The following SLC35D2 variants were observed in gnomAD, a reference collection of about 807,000 sequenced individuals.
The protein encoded by SLC35D2 is nucleotide sugar transporter SLC35D2.
In SLC35D2, 43 loss-of-function variants were observed where a neutral mutation model predicts 41.8. The observed-to-expected ratio is 1.03, with a 90% CI of 0.81 to 1.33. The LOEUF (loss-of-function observed/expected upper bound fraction) is 1.33. Among genes scored for constraint, SLC35D2 ranks in the 40% most tolerant of loss-of-function variants. The pLI, the probability that SLC35D2 is intolerant of heterozygous loss-of-function variation, is 0.00. For synonymous variants in SLC35D2, 150 were observed against 163.9 expected (o/e 0.92, Z 0.65); for missense variants, 380 against 408.4 (o/e 0.93, Z 0.60).
At chr9:96,379,410 G>A (rs767309915) in intron 1 of SLC35D2, among the ~76,000 whole-genome samples, 2 of 151,994 alleles carry the variant, frequency 1.3e-5, no homozygotes, top group African/African-American at 2.4e-5. Context: ...AGCCTTCAAA[G>A]GCCTCTCTGT....
At chr9:96,352,569 G>A (rs1050343198) in intron 4 of SLC35D2, among the ~76,000 whole-genome samples, 31 of 151,980 alleles carry the variant, frequency 2.0e-4, no homozygotes, top group Admixed American at 9.2e-4. Flanking sequence ...TAATCTGCCC[G>A]CCACAGCCTC....
chr9:96,318,322 T>C (rs934250753), downstream of SLC35D2, among the ~76,000 whole-genome samples: 15 of 151,884 alleles, frequency 9.9e-5, no homozygotes, highest in Non-Finnish European at 2.1e-4. Context: ...TTAGGCAGGC[T>C]AATTTTTTAG....
chr9:96,360,650 A>G lies in SLC35D2; in HGVS notation c.280-429T>C, dbSNP rs10990696. On this transcript the variant is annotated intron_variant, in intron 3 of 11. Transcript: ENST00000253270. ...TCTCAAAAAAAAAAAAAAAAAAAAA[A>G]AAAAGAAAAGGTGCGCCTTCTCACT... 2.3e-3 allele frequency among the ~76,000 whole-genome samples: 304 copies of G among 132,806 alleles called. 6 individuals are homozygous for G. Among genetic ancestry groups the G allele is most frequent in the Middle Eastern group, 4.3e-3 (1 of 232 alleles). The allele number at this position is 132,806 out of a possible 152,430, so 87.1% of individuals were successfully genotyped here.
intron 9 of SLC35D2, among the ~76,000 whole-genome samples, chr9:96,326,279 G>C (rs1184188814): frequency 2.6e-5 from 4 of 152,182 alleles, no homozygotes; most frequent in Non-Finnish European, 4.4e-5. Context: ...TGAAGAAAAA[G>C]TAGGCAGCTC....
chr9:96,337,437 C>T (rs1373657584), intron 8 of SLC35D2, among the ~76,000 whole-genome samples: 1 of 151,536 alleles, frequency 6.6e-6, no homozygotes, highest in Non-Finnish European at 1.5e-5. Flanking sequence ...AGGCTGGTCT[C>T]AAACTCCTGG....
chr9:96,360,148 C>G lies in SLC35D2; in HGVS notation c.347+6G>C. ...ACTTTCCACCAGCCATTATCCTATA[C>G]TCTACCTTAATTTACTTGTGCTTGA... is the stretch of plus-strand genomic sequence containing the variant. On this transcript the variant is annotated splice_donor_region_variant and intron_variant, in intron 4 of 11. Transcript: ENST00000253270. 1 of 1,609,676 alleles carries G rather than the reference C, an allele frequency of 6.2e-7. No individual in the cohort carries two copies. Among genetic ancestry groups the G allele is most frequent in the East Asian group, 2.2e-5 (1 of 44,834 alleles).
intron 9 of SLC35D2, among the ~76,000 whole-genome samples, chr9:96,328,293 G>A (rs1480395157): frequency 6.6e-6 from 1 of 152,048 alleles, no homozygotes; most frequent in African/African-American, 2.4e-5. Flanking sequence ...CTGGAGTACA[G>A]TGGCACAATC....
At chr9:96,340,150 G>A (rs1038726818) in intron 8 of SLC35D2, among the ~76,000 whole-genome samples, 1 of 152,112 alleles carries the variant, frequency 6.6e-6, no homozygotes, top group Admixed American at 6.5e-5. Context: ...ATTCAAAAGG[G>A]ACCAATGGGA....
chr9:96,362,486 A>C (rs1191854834), intron 3 of SLC35D2, among the ~76,000 whole-genome samples: 4 of 152,128 alleles, frequency 2.6e-5, no homozygotes, highest in Non-Finnish European at 4.4e-5. Context: ...CAGCCTGGGC[A>C]ATAAGAGCAA....
At chr9:96,360,566 T>C (rs1355636826) in intron 3 of SLC35D2, among the ~76,000 whole-genome samples, 1 of 133,318 alleles carries the variant, frequency 7.5e-6, no homozygotes, top group Non-Finnish European at 1.6e-5. Flanking sequence ...CGGGCAGAGG[T>C]TGCAGTGAGC....
At chr9:96,331,418 A>C (rs750004332) in intron 9 of SLC35D2, among the ~76,000 whole-genome samples, 4 of 152,156 alleles carry the variant, frequency 2.6e-5, no homozygotes, top group Non-Finnish European at 4.4e-5. Flanking sequence ...AGTGAGCACT[A>C]ATCAAAGTCT....
chr9:96,317,905 C>T (rs12057033), downstream of SLC35D2, among the ~76,000 whole-genome samples: 71,163 of 147,952 alleles, frequency 0.48, 17,410 homozygotes, highest in Admixed American at 0.54. Flanking sequence ...TAGTGGCGTA[C>T]GCCTATGATC....
intron 1 of SLC35D2, among the ~76,000 whole-genome samples, chr9:96,382,496 C>CACACACACACACTA (rs200897475): frequency 1.6e-5 from 2 of 127,914 alleles, no homozygotes; most frequent in African/African-American, 5.9e-5. Flanking sequence ...CACACACACA[C>CACACACACACACTA]TATATATATA....
rs1491320526 is a variant in SLC35D2 at position 96,358,078 on chromosome 9, T to TATATATATATATATATA, written c.347+2075_347+2076insTATATATATATATATAT. Among the ~76,000 whole-genome samples the TATATATATATATATATA allele has an allele frequency of 1.3e-3, 103 of 79,174 alleles. 3 individuals carry two copies. Among genetic ancestry groups the TATATATATATATATATA allele is most frequent in the African/African-American group, 6.5e-3 (97 of 14,888 alleles). 51.9% of individuals were successfully genotyped at this position (79,174 alleles called of 152,430 possible). On this transcript the variant is annotated intron_variant, in intron 4 of 11. Coordinates refer to ENST00000253270, the MANE Select transcript of SLC35D2 (RefSeq NM_007001.3). ...AAATGGATAAACAAAATATTATATA[T>TATATATATATATATATA]TTTATATATATATATATATATATAT...
chr9:96,382,496 C>CACTA (rs200897475), intron 1 of SLC35D2, among the ~76,000 whole-genome samples: 2,228 of 127,734 alleles, frequency 0.017, 54 homozygotes, highest in African/African-American at 0.055. Flanking sequence ...CACACACACA[C>CACTA]TATATATATA....
At chr9:96,347,392 A>C (rs1292733185) in intron 6 of SLC35D2, among the ~76,000 whole-genome samples, 1 of 152,212 alleles carries the variant, frequency 6.6e-6, no homozygotes, top group African/African-American at 2.4e-5. Context: ...TGTTTAGGCC[A>C]GTGGTGACAG....
chr9:96,370,008 C>A (rs1830614941), intron 1 of SLC35D2, among the ~76,000 whole-genome samples: 1 of 152,186 alleles, frequency 6.6e-6, no homozygotes. Flanking sequence ...GCCACCCATA[C>A]CCTCTTCCAC....
intron 2 of SLC35D2, among the ~76,000 whole-genome samples, chr9:96,364,760 A>G (rs1587710044): frequency 6.6e-6 from 1 of 152,034 alleles, no homozygotes; most frequent in African/African-American, 2.4e-5. Context: ...CAGGCAAAAA[A>G]CGTAACGTCG....
At chr9:96,325,855 C>T (rs1270088299) in intron 9 of SLC35D2, among the ~76,000 whole-genome samples, 1 of 152,158 alleles carries the variant, frequency 6.6e-6, no homozygotes, top group Non-Finnish European at 1.5e-5. Flanking sequence ...AGGCTCAAAT[C>T]TCTGGTGAAG....
Sources: gnomAD v4.1 joint callset for allele counts (sites outside exome capture counted in the v4.1 genomes callset) on GRCh38, gnomAD v4.1.1 for gene constraint, MANE v1.5 for transcripts, NCBI Gene and HGNC (gene_info 2026-07-23, HGNC 2026-07-21) for gene names.